CRLF3: variants seen among roughly 807,000 people sequenced by gnomAD.
The protein encoded by CRLF3 is cytokine receptor like factor 3.
Under a neutral mutation model 55.0 loss-of-function variants are expected in CRLF3, and 33 were observed. That is an observed-to-expected ratio of 0.60 (90% CI 0.46 to 0.80). CRLF3 has a LOEUF of 0.80. CRLF3 is among the 30% of genes least tolerant of loss of function. CRLF3 has a pLI of 0.00. For synonymous variants in CRLF3, 238 were observed against 196.8 expected (o/e 1.21, Z -1.75); for missense variants, 494 against 538.4 (o/e 0.92, Z 0.82).
Position 30,784,463 on chromosome 17 carries a change from A to G in CRLF3, c.1073-20T>C, listed in dbSNP as rs1238586798. 6.3e-7 allele frequency: 1 copy of G among 1,597,354 alleles called. No homozygotes were observed. Among genetic ancestry groups the G allele is most frequent in the African/African-American group, 1.3e-5 (1 of 74,614 alleles). On this transcript the variant is annotated intron_variant, in intron 7 of 7. Coordinates refer to ENST00000324238, the MANE Select transcript of CRLF3 (RefSeq NM_015986.4). ...CTGCACCTAAAATGTTAAGGTAAAGAGTCATTTACATGTGAGCAATAACTA... is the reference window on the plus strand; with the variant it reads ...CTGCACCTAAAATGTTAAGGTAAAGGGTCATTTACATGTGAGCAATAACTA...
intron 1 of CRLF3, among the ~76,000 whole-genome samples, chr17:30,820,823 CAAAA>C (rs1163338509): frequency 1.1e-4 from 7 of 64,994 alleles, no homozygotes; most frequent in Admixed American, 1.8e-4. Flanking sequence ...GAGACTCTCT[CAAAA>C]AAAAAAAAAA....
At chr17:30,817,395 G>A (rs1255028429) in intron 1 of CRLF3, among the ~76,000 whole-genome samples, 1 of 151,720 alleles carries the variant, frequency 6.6e-6, no homozygotes, top group East Asian at 1.9e-4. Flanking sequence ...CCAAGGTGGT[G>A]CCACTGCACT....
intron 2 of CRLF3, among the ~76,000 whole-genome samples, chr17:30,799,166 G>A (rs747590416): frequency 6.6e-5 from 10 of 151,970 alleles, no homozygotes; most frequent in Non-Finnish European, 1.0e-4. Context: ...CCAGCTACTC[G>A]GGAGGCTGAG....
intron 7 of CRLF3, among the ~76,000 whole-genome samples, chr17:30,785,482 T>C (rs1971621033): frequency 6.6e-6 from 1 of 151,254 alleles, no homozygotes; most frequent in South Asian, 2.1e-4. Context: ...ATTATGTCAT[T>C]AAGACCAAAA....
intron 2 of CRLF3, among the ~76,000 whole-genome samples, chr17:30,803,411 T>G (rs1972036735): frequency 6.6e-6 from 1 of 152,112 alleles, no homozygotes; most frequent in Non-Finnish European, 1.5e-5. Context: ...ACAAACTGTC[T>G]CTAGGTAAGA....
At chr17:30,784,815 G>GTGGCA (rs60302155) in intron 7 of CRLF3, 23,372 of 198,836 alleles carry the variant, frequency 0.12, 1,659 homozygotes, top group South Asian at 0.19. Context: ...CTGGAGTGCA[G>GTGGCA]TGGCATGATC....
rs536092640 is a variant in CRLF3, at chr17:30,796,571, A to C, written c.426-234T>G. Reference sequence around the variant, plus strand: ...CAGTTTAAGCCAAAAGATCTGGTTTACTGGAATATGACTCCATTTCAACAA... The same window carrying C: ...CAGTTTAAGCCAAAAGATCTGGTTTCCTGGAATATGACTCCATTTCAACAA... On this transcript the variant is annotated intron_variant, in intron 3 of 7. Coordinates refer to ENST00000324238, the MANE Select transcript of CRLF3 (RefSeq NM_015986.4). Among the ~76,000 whole-genome samples the C allele has an allele frequency of 4.6e-5, 7 of 152,346 alleles. No homozygotes were observed. In the South Asian group the frequency reaches 1.4e-3, roughly 32 times the overall value.
chr17:30,796,753 T>G (rs1258714820), intron 3 of CRLF3, among the ~76,000 whole-genome samples: 1 of 149,004 alleles, frequency 6.7e-6, no homozygotes, highest in East Asian at 2.0e-4. Context: ...AGACAGAGTC[T>G]CACTCTGTCC....
intron 2 of CRLF3, among the ~76,000 whole-genome samples, chr17:30,800,198 T>C (rs1313350298): frequency 6.6e-6 from 1 of 152,086 alleles, no homozygotes; most frequent in African/African-American, 2.4e-5. Flanking sequence ...CAAATGACTT[T>C]TAAATGTTGG....
Position 30,803,944 on chromosome 17 carries a change from G to A in CRLF3, c.294C>T (p.Leu98=). 4.3e-6 allele frequency: 7 copies of A among 1,612,332 alleles called. No homozygotes were observed. The highest frequency in any genetic ancestry group is 5.9e-6 in the Non-Finnish European group (7 of 1,180,014). The change falls in exon 2 of 8, where the codon CTC becomes CTT. Residue 98 remains leucine, a synonymous_variant. Coordinates refer to ENST00000324238, the MANE Select transcript of CRLF3 (RefSeq NM_015986.4). Reference sequence around the variant, plus strand: ...CTGCAGTGTTGACTCCGTGTTCTATGAGCTTCTGGCAGTCATCTAGTGGTT... The same window carrying A: ...CTGCAGTGTTGACTCCGTGTTCTATAAGCTTCTGGCAGTCATCTAGTGGTT... ...TIKPLDDCQK[L]IEHGVNTAED... is the part of the protein sequence containing the mutation.
chr17:30,814,035 T>C (rs529192289), intron 1 of CRLF3, among the ~76,000 whole-genome samples: 15 of 152,140 alleles, frequency 9.9e-5, no homozygotes, highest in Non-Finnish European at 1.5e-5. Flanking sequence ...GGCGGGCAGA[T>C]CACTTGAGGC....
At chr17:30,791,933 G>C (rs1971811116) in intron 6 of CRLF3, among the ~76,000 whole-genome samples, 1 of 151,932 alleles carries the variant, frequency 6.6e-6, no homozygotes, top group Non-Finnish European at 1.5e-5. Context: ...TGCAACCTCT[G>C]CCTCTTGGGT....
At chr17:30,789,323 T>C (rs568356596) in intron 6 of CRLF3, among the ~76,000 whole-genome samples, 19 of 152,320 alleles carry the variant, frequency 1.2e-4, no homozygotes, top group Admixed American at 1.0e-3. Flanking sequence ...ATTTCCAATG[T>C]CTTAATAAAT....
At chr17:30,796,509 A>G (rs555194682) in intron 3 of CRLF3, among the ~76,000 whole-genome samples, 172 bp from the exon 4 acceptor site, 3 of 152,318 alleles carry the variant, frequency 2.0e-5, no homozygotes, top group African/African-American at 4.8e-5. Context: ...TCAAATAAAT[A>G]TAAGTAAGAC....
At chr17:30,792,605 G>C (rs771844095) in intron 5 of CRLF3, 33 bp from the exon 6 acceptor site, 5 of 1,579,956 alleles carry the variant, frequency 3.2e-6, no homozygotes, top group African/African-American at 1.3e-5. Context: ...AAAACTGTTA[G>C]AATCTCTTGA....
At chr17:30,788,960 C>T (rs561393581) in intron 6 of CRLF3, among the ~76,000 whole-genome samples, 1 of 152,142 alleles carries the variant, frequency 6.6e-6, no homozygotes, top group South Asian at 2.1e-4. Flanking sequence ...CCCTTAAGTA[C>T]CCTCAAAAAA....
rs1971585060 is a variant in CRLF3 at position 30,784,364 on chromosome 17, A to G, written c.1152T>C (p.Ile384=). ...VTSGSTVTFD[I]EAVTLGTTSN... ...TGGTGGTTCCTAGAGTCACGGCTTCAATGTCAAACGTGACAGTGGACCCAG... is the reference window on the plus strand; with the variant it reads ...TGGTGGTTCCTAGAGTCACGGCTTCGATGTCAAACGTGACAGTGGACCCAG... The change falls in exon 8 of 8, where the codon ATT becomes ATC. Residue 384 remains isoleucine (I), a synonymous_variant. Transcript: ENST00000324238. The G allele has an allele frequency of 6.2e-7, 1 of 1,613,744 alleles. No homozygotes were observed. Among genetic ancestry groups the G allele is most frequent in the African/African-American group, 1.3e-5 (1 of 74,930 alleles).
intron 1 of CRLF3, among the ~76,000 whole-genome samples, chr17:30,806,089 C>T (rs944610531): frequency 6.6e-6 from 1 of 151,968 alleles, no homozygotes; most frequent in Non-Finnish European, 1.5e-5. Flanking sequence ...ATAAAATGCC[C>T]TCATTATGCT....
chr17:30,785,446 A>G (rs1461998159), intron 7 of CRLF3, among the ~76,000 whole-genome samples: 1 of 151,834 alleles, frequency 6.6e-6, no homozygotes, highest in Non-Finnish European at 1.5e-5. Flanking sequence ...ATTTAGAACA[A>G]TGCCTGGTAC....
Sources: gnomAD v4.1 joint callset for allele counts (sites outside exome capture counted in the v4.1 genomes callset) on GRCh38, gnomAD v4.1.1 for gene constraint, MANE v1.5 for transcripts, NCBI Gene and HGNC (gene_info 2026-07-23, HGNC 2026-07-21) for gene names.